RANBP2: variants seen among roughly 807,000 people sequenced by gnomAD.
RANBP2 encodes the protein E3 SUMO-protein ligase RanBP2.
A neutral mutation model predicts 303.6 loss-of-function variants in RANBP2; 57 were observed. The ratio of observed to expected loss-of-function variants is 0.19; its 90% CI spans 0.15 to 0.23. The LOEUF (loss-of-function observed/expected upper bound fraction) is 0.23, where lower values mean the gene tolerates loss of function less well. Among genes scored for constraint, RANBP2 ranks in the 10% least tolerant of loss-of-function variants. The pLI, the probability that RANBP2 is intolerant of heterozygous loss-of-function variation, is 1.00. For missense variants in RANBP2, 3,138 were observed against 3,780.8 expected, an observed-to-expected ratio of 0.83 and a Z score of 4.46; for synonymous variants, 1,167 against 1,301.5, an observed-to-expected ratio of 0.90 and a Z score of 2.23.
the RANBP2 span, among the ~76,000 whole-genome samples, chr2:108,908,190 C>G: frequency 6.6e-6 from 1 of 152,030 alleles, no homozygotes; most frequent in Non-Finnish European, 1.5e-5. Context: ...GGACATGAGA[C>G]GAGACATACA....
chr2:109,450,345 C>CA, the RANBP2 span, among the ~76,000 whole-genome samples: 1,589 of 108,972 alleles, frequency 0.015, 19 homozygotes, highest in African/African-American at 0.036. Context: ...GACTGCATCT[C>CA]AAAAAAAAAA....
the RANBP2 span, chr2:109,605,669 A>G: frequency 1.3e-5 from 2 of 152,212 alleles, no homozygotes; most frequent in Non-Finnish European, 2.9e-5. Flanking sequence ...ATAGCAAAAT[A>G]TGCAAATACA....
At chr2:109,629,353 ATATTTTTT>A in the RANBP2 span, among the ~76,000 whole-genome samples, 1 of 7,292 alleles carries the variant, frequency 1.4e-4, no homozygotes, top group African/African-American at 4.0e-4. Flanking sequence ...ATATATATAT[ATATTTTTT>A]TTTTTTTTTT....
At chr2:109,717,319 C>T in the RANBP2 span, among the ~76,000 whole-genome samples, 1 of 149,156 alleles carries the variant, frequency 6.7e-6, no homozygotes, top group East Asian at 2.0e-4. Flanking sequence ...CGGTGGCTCA[C>T]GCCTGTAATC....
the RANBP2 span, among the ~76,000 whole-genome samples, chr2:109,289,020 G>A: frequency 2.0e-5 from 3 of 152,192 alleles, no homozygotes; most frequent in African/African-American, 7.2e-5. Context: ...AAATGGCATT[G>A]TGTTGCTCAC....
chr2:108,900,246 A>G, the RANBP2 span, among the ~76,000 whole-genome samples: 1 of 152,302 alleles, frequency 6.6e-6, no homozygotes, highest in African/African-American at 2.4e-5. Flanking sequence ...GACTACATTT[A>G]ATGTAAATGG....
the RANBP2 span, among the ~76,000 whole-genome samples, chr2:109,686,777 A>G: frequency 6.6e-6 from 1 of 151,948 alleles, no homozygotes. Context: ...ATGCCCAGAT[A>G]ACTTACTGTA....
chr2:108,758,830 A>G (rs982946122), intron 18 of RANBP2, among the ~76,000 whole-genome samples: 2 of 152,032 alleles, frequency 1.3e-5, no homozygotes, highest in Non-Finnish European at 2.9e-5. Flanking sequence ...AAATTGAAAA[A>G]TGTTAATGAA....
At chr2:109,194,556 C>T in the RANBP2 span, among the ~76,000 whole-genome samples, 1 of 152,354 alleles carries the variant, frequency 6.6e-6, no homozygotes, top group Admixed American at 6.5e-5. Flanking sequence ...CGAGGAGCAC[C>T]CCCACTTTCA....
At chr2:109,525,527 C>A in the RANBP2 span, among the ~76,000 whole-genome samples, 3 of 152,194 alleles carry the variant, frequency 2.0e-5, no homozygotes, top group Admixed American at 2.0e-4. Flanking sequence ...ACTCCCCGAG[C>A]TGACGCCAAC....
chr2:109,352,606 G>T, the RANBP2 span, among the ~76,000 whole-genome samples: 3 of 152,212 alleles, frequency 2.0e-5, no homozygotes, highest in African/African-American at 7.2e-5. Flanking sequence ...GCTCCACGTC[G>T]TTCTCTCCCT....
chr2:108,782,516 C>A lies in RANBP2; in HGVS notation c.9035-12C>A, dbSNP rs1410490843. On this transcript the variant is annotated splice_polypyrimidine_tract_variant and intron_variant, in intron 27 of 28. Transcript: ENST00000283195. ...TACTAAGGTCACTGCTTCCCCTTTC[C>A]CTCCCTGCCAGATGGAGAAGCAAAA... 1.2e-6 allele frequency: 2 copies of A among 1,613,870 alleles called. No individual in the cohort carries two copies. The highest frequency in any genetic ancestry group is 1.7e-6 in the Non-Finnish European group (2 of 1,179,832).
chr2:108,793,969 A>G, the RANBP2 span, among the ~76,000 whole-genome samples: 1 of 152,156 alleles, frequency 6.6e-6, no homozygotes, highest in African/African-American at 2.4e-5. Context: ...TGTATAGCCA[A>G]ATCAGCTCAA....
At chr2:109,234,771 C>T in the RANBP2 span, among the ~76,000 whole-genome samples, 3 of 152,176 alleles carry the variant, frequency 2.0e-5, no homozygotes, top group African/African-American at 7.2e-5. Flanking sequence ...TTTGCTGAAA[C>T]AAATTACATC....
chr2:109,129,195 C>A, the RANBP2 span: 2 of 487,228 alleles, frequency 4.1e-6, no homozygotes, highest in Admixed American at 2.9e-5. Flanking sequence ...CGCGAGCCGC[C>A]GCTTGCAGCA....
the RANBP2 span, among the ~76,000 whole-genome samples, chr2:109,273,332 G>A: frequency 6.6e-6 from 1 of 152,246 alleles, no homozygotes; most frequent in Non-Finnish European, 1.5e-5. Context: ...TTGTCTGGAA[G>A]GAGTGCTTCC....
the RANBP2 span, among the ~76,000 whole-genome samples, chr2:109,408,518 G>GC: frequency 6.6e-6 from 1 of 152,178 alleles, no homozygotes; most frequent in Non-Finnish European, 1.5e-5. Context: ...GGTCCCACAC[G>GC]CGCTCACGCC....
the RANBP2 span, among the ~76,000 whole-genome samples, chr2:108,983,499 C>A: frequency 2.0e-5 from 3 of 152,152 alleles, no homozygotes; most frequent in African/African-American, 7.2e-5. Context: ...GAGCATTCCC[C>A]GTGGCCTTCC....
intron 20 of RANBP2, among the ~76,000 whole-genome samples, chr2:108,770,422 A>C (rs1677417299): frequency 6.6e-6 from 1 of 152,254 alleles, no homozygotes; most frequent in Non-Finnish European, 1.5e-5. Context: ...TCTGCAGAGC[A>C]GTGTCATCCA....
Sources: allele counts gnomAD v4.1 joint callset (sites outside exome capture counted in the v4.1 genomes callset), GRCh38; gene constraint gnomAD v4.1.1; transcripts MANE v1.5; gene names NCBI Gene and HGNC (gene_info 2026-07-23, HGNC 2026-07-21).